The following DBNL variants were observed in gnomAD, a reference collection of about 807,000 sequenced individuals.
DBNL encodes drebrin like, also known as drebrin-like protein.
A neutral mutation model predicts 62.2 loss-of-function variants in DBNL; 35 were observed. That is an observed-to-expected ratio of 0.56 (90% CI 0.43 to 0.75). The LOEUF (loss-of-function observed/expected upper bound fraction) is 0.75. Ranked by LOEUF, DBNL falls within the 30% of genes least tolerant of loss-of-function variation. DBNL has a pLI of 0.00. For missense variants in DBNL, 495 were observed against 578.4 expected (o/e 0.86, Z 1.48); for synonymous variants, 197 against 218.0 (o/e 0.90, Z 0.85).
intron 1 of DBNL, among the ~76,000 whole-genome samples, chr7:44,049,539 G>A (rs139683239): frequency 1.6e-4 from 24 of 152,364 alleles, no homozygotes; most frequent in Non-Finnish European, 3.4e-4. Flanking sequence ...ATAAGGCTCT[G>A]CTAGATAGAA....
rs779505053 is a variant in DBNL, at chr7:44,059,623, C to T, written c.1012C>T (p.Pro338Ser). The T allele has an allele frequency of 1.5e-5, 24 of 1,609,470 alleles. No individual in the cohort carries two copies. Among genetic ancestry groups the T allele is most frequent in the Non-Finnish European group, 1.9e-5 (22 of 1,179,850 alleles). Reference sequence around the variant, plus strand: ...AGAGGAGGCTGTGTATGAGGAACCTCCAGAGCAGGAGACCTTCTACGAGCA... The same window carrying T: ...AGAGGAGGCTGTGTATGAGGAACCTTCAGAGCAGGAGACCTTCTACGAGCA... ...AEEEAVYEEP[P>S]EQETFYEQPP... is the part of the protein sequence containing the mutation. Residue 338 changes from proline (P) to serine (S), a missense_variant, in exon 11 of 13, where the codon CCA becomes TCA. Pro to Ser is a moderately conservative substitution (Grantham distance 74). Transcript: ENST00000448521. The surrounding 1 kb of genome is among the most constrained non-coding windows in gnomAD (Gnocchi z 4.1).
At position 44,065,244 on chromosome 7, in the gene DBNL, T is replaced by C; in HGVS notation, c.*4328T>C. 1 of 1,613,912 alleles carries C rather than the reference T, an allele frequency of 6.2e-7. No homozygotes were observed. Among genetic ancestry groups the C allele is most frequent in the Non-Finnish European group, 8.5e-7 (1 of 1,180,044 alleles). ...GCCGTTTCTGCCTTGTTGAGGCCTG[T>C]GAGGCCCCCGTAATGCCGCTCATTG... is the stretch of plus-strand genomic sequence containing the variant. On this transcript the variant is annotated 3_prime_UTR_variant, in exon 13 of 13. Transcript: ENST00000448521.
rs749799058 is a variant in DBNL at position 44,065,936 on chromosome 7, C to T, written c.*5020C>T. 9 of 330,640 alleles carry T rather than the reference C, an allele frequency of 2.7e-5. No individual in the cohort carries two copies. The highest frequency in any genetic ancestry group is 2.1e-3 in the Middle Eastern group (2 of 950). 20.5% of individuals were successfully genotyped at this position (330,640 alleles called of 1,614,324 possible). A position where few individuals can be genotyped will look rare whatever the true frequency, so the allele number is the denominator to read the frequency against. The stretch of plus-strand genomic sequence containing the variant: ...GCCTATCAGCCATTCTCTGCTCAGA[C>T]AGAGGCACAAACAAAATCCCAACCC... On this transcript the variant is annotated 3_prime_UTR_variant, in exon 13 of 13. Coordinates refer to ENST00000448521, the MANE Select transcript of DBNL (RefSeq NM_001014436.3).
chr7:44,057,983 T>A, intron 6 of DBNL, 124 bp downstream of exon 6: 1 of 1,529,778 alleles, frequency 6.5e-7, no homozygotes, highest in Non-Finnish European at 8.9e-7. Flanking sequence ...ATGGTCACAC[T>A]GAGGCTCGGG....
chr7:44,057,885 G>C, intron 6 of DBNL, 26 bp downstream of exon 6: 1 of 1,613,966 alleles, frequency 6.2e-7, no homozygotes, highest in African/African-American at 1.3e-5. Context: ...GGGCATGCTG[G>C]GCACGTGGGA....
intron 4 of DBNL, among the ~76,000 whole-genome samples, chr7:44,056,347 T>C (rs1481603233): frequency 6.6e-6 from 1 of 152,238 alleles, no homozygotes; most frequent in Admixed American, 6.5e-5. Flanking sequence ...TCCAGCTTTG[T>C]ACTTTTTGCT....
At chr7:44,054,192 TTTTG>T (rs1279475638) in intron 4 of DBNL, among the ~76,000 whole-genome samples, 3 of 151,982 alleles carry the variant, frequency 2.0e-5, no homozygotes, top group African/African-American at 4.8e-5. Context: ...TTGTTTTGTT[TTTTG>T]TTTGTTTGTT....
At position 44,058,926 on chromosome 7, in the gene DBNL, A is replaced by AT; in HGVS notation, c.782dup (p.Lys262GlnfsTer54). On this transcript the variant is annotated frameshift_variant, in exon 9 of 13. Coordinates refer to ENST00000448521, the MANE Select transcript of DBNL (RefSeq NM_001014436.3). LOFTEE classifies it high-confidence loss of function. The stretch of plus-strand genomic sequence containing the variant: ...GGAGTCTGCCGTGCACCCGAGGGAG[A>AT]TTTTCAAGCAGAAGGAGAGGGCCAT... The AT allele has an allele frequency of 6.2e-7, 1 of 1,612,988 alleles. No individual in the cohort carries two copies. Among genetic ancestry groups the AT allele is most frequent in the Non-Finnish European group, 8.5e-7 (1 of 1,179,754 alleles).
chr7:44,057,594 C>T (rs537846465), intron 5 of DBNL, among the ~76,000 whole-genome samples, 188 bp from the exon 6 acceptor site: 7 of 152,270 alleles, frequency 4.6e-5, no homozygotes, highest in African/African-American at 1.7e-4. Flanking sequence ...GTGTCCTGGG[C>T]TTCTTTCAGG....
rs370078448 is a variant in DBNL, at chr7:44,057,775, C to T, written c.475-7C>T. On this transcript the variant is annotated splice_polypyrimidine_tract_variant and splice_region_variant and intron_variant, in intron 5 of 12. Coordinates refer to ENST00000448521, the MANE Select transcript of DBNL (RefSeq NM_001014436.3). ...TCCAGGTCTCTAATGAGTGCTGTCC[C>T]CTACAGGGCTCTGTGTACCAGAAGA... is the stretch of plus-strand genomic sequence containing the variant. The T allele has an allele frequency of 3.0e-5, 49 of 1,614,020 alleles. No individual in the cohort carries two copies. Among genetic ancestry groups the T allele is most frequent in the Non-Finnish European group, 4.0e-5 (47 of 1,180,010 alleles).
rs762633611 is a variant in DBNL, at chr7:44,060,061, G to C, written c.1061G>C (p.Gly354Ala). ...YEQPPLVQQQ[G>A]AGSEHIDHHI... Reference sequence around the variant, plus strand: ...ATCCCTGGGCAGGTGCAGCAGCAAGGTGCTGGCTCTGAGCACATTGACCAC... The same window carrying C: ...ATCCCTGGGCAGGTGCAGCAGCAAGCTGCTGGCTCTGAGCACATTGACCAC... The change falls in exon 12 of 13, where the codon GGT (glycine) becomes GCT (alanine). Residue 354 changes from glycine to alanine, a missense_variant. Transcript: ENST00000448521. The surrounding 1 kb of genome is among the most constrained non-coding windows in gnomAD (Gnocchi z 6.3). The C allele has an allele frequency of 4.0e-5, 65 of 1,613,350 alleles. No individual in the cohort carries two copies. The highest frequency in any genetic ancestry group is 9.9e-5 in the South Asian group (9 of 91,074).
intron 2 of DBNL, chr7:44,050,526 G>C (rs1207816821): frequency 1.0e-5 from 4 of 401,724 alleles, no homozygotes; most frequent in African/African-American, 2.1e-5. Context: ...AGGGAAACAG[G>C]CCTCTCCAGC....
intron 5 of DBNL, 26 bp downstream of exon 5, chr7:44,056,929 C>T: frequency 6.2e-7 from 1 of 1,612,390 alleles, no homozygotes; most frequent in Non-Finnish European, 8.5e-7. Flanking sequence ...CCATCGCCAG[C>T]CCTTTTGTTG....
Position 44,062,687 on chromosome 7 carries a change from G to T in DBNL, c.*1771G>T. On this transcript the variant is annotated 3_prime_UTR_variant, in exon 13 of 13. Coordinates refer to ENST00000448521, the MANE Select transcript of DBNL (RefSeq NM_001014436.3). Reference sequence around the variant, plus strand: ...TTCTGGAGTCCCCACAGCTGATGGCGGTGTGAGCCTGGCATGCACGGCTGC... The same window carrying T: ...TTCTGGAGTCCCCACAGCTGATGGCTGTGTGAGCCTGGCATGCACGGCTGC... 1 of 1,484,940 alleles carries T rather than the reference G, an allele frequency of 6.7e-7. No homozygotes were observed. The highest frequency in any genetic ancestry group is 9.3e-7 in the Non-Finnish European group (1 of 1,073,016). 92.0% of individuals were successfully genotyped at this position (1,484,940 alleles called of 1,614,324 possible).
intron 1 of DBNL, among the ~76,000 whole-genome samples, chr7:44,047,586 C>G (rs1437311005): frequency 2.0e-5 from 3 of 152,162 alleles, no homozygotes; most frequent in Non-Finnish European, 2.9e-5. Flanking sequence ...AAGTAAGTTC[C>G]ATGGGCAGGA....
chr7:44,050,434 A>G (rs549666684), intron 2 of DBNL, 154 bp downstream of exon 2: 11 of 679,996 alleles, frequency 1.6e-5, no homozygotes, highest in South Asian at 1.5e-4. Context: ...AGATATGTGT[A>G]AGTGAAAACA....
intron 4 of DBNL, 76 bp downstream of exon 4, chr7:44,053,017 C>T: frequency 6.5e-7 from 1 of 1,535,822 alleles, no homozygotes; most frequent in Non-Finnish European, 8.8e-7. Flanking sequence ...TGGGTGCGAG[C>T]AAGTGGGAAT....
rs2096137154 is a variant in DBNL at position 44,056,747 on chromosome 7, C to T, written c.328-10C>T. On this transcript the variant is annotated splice_polypyrimidine_tract_variant and intron_variant, in intron 4 of 12. Transcript: ENST00000448521. ...CAAAGCCCTTCTTTCAAGTGCTGCT[C>T]CTGCTGCAGGGGGCCCATGTGACCA... is the stretch of plus-strand genomic sequence containing the variant. 1.2e-6 allele frequency: 2 copies of T among 1,613,818 alleles called. No individual in the cohort carries two copies. Among genetic ancestry groups the T allele is most frequent in the Middle Eastern group, 1.7e-4 (1 of 6,060 alleles).
chr7:44,059,755 T>A lies in DBNL; in HGVS notation c.1047+97T>A. 1 of 1,195,788 alleles carries A rather than the reference T, an allele frequency of 8.4e-7. No individual in the cohort carries two copies. Among genetic ancestry groups the A allele is most frequent in the Non-Finnish European group, 1.2e-6 (1 of 859,852 alleles). The allele number at this position is 1,195,788 out of a possible 1,614,324, so 74.1% of individuals were successfully genotyped here. On this transcript the variant is annotated intron_variant, in intron 11 of 12. Coordinates refer to ENST00000448521, the MANE Select transcript of DBNL (RefSeq NM_001014436.3). The surrounding 1 kb of genome is among the most constrained non-coding windows in gnomAD (Gnocchi z 4.1). The stretch of plus-strand genomic sequence containing the variant: ...AGTTTTCTGGGGGCATGCAACAGGT[T>A]TTAAAGCACATGCATTTTTGGAGCA...
Sources: gnomAD v4.1 joint callset for allele counts (sites outside exome capture counted in the v4.1 genomes callset) on GRCh38, gnomAD v4.1.1 for gene constraint, Gnocchi (gnomAD v3.1) non-coding constraint, MANE v1.5 for transcripts, NCBI Gene and HGNC (gene_info 2026-07-23, HGNC 2026-07-21) for gene names.